The following PKHD1 variants were observed in gnomAD, a reference collection of about 807,000 sequenced individuals.
The protein encoded by PKHD1 is PKHD1 ciliary IPT domain containing fibrocystin/polyductin.
Under a neutral mutation model 412.0 loss-of-function variants are expected in PKHD1, and 291 were observed. That is an observed-to-expected ratio of 0.71 (90% CI 0.64 to 0.78). PKHD1 has a LOEUF of 0.78. PKHD1 is among the 30% of genes least tolerant of loss of function. The probability of loss-of-function intolerance (pLI) is 0.00; values close to 1 mark genes in which losing one functional copy is unlikely to be tolerated. For synonymous variants in PKHD1, 1,777 were observed against 1,821.5 expected (o/e 0.98, Z 0.62); for missense variants, 4,825 against 4,950.7 (o/e 0.97, Z 0.76).
chr6:52,005,764 A>T (rs1446697796), intron 35 of PKHD1, among the ~76,000 whole-genome samples: 1 of 151,480 alleles, frequency 6.6e-6, no homozygotes, highest in African/African-American at 2.4e-5. Context: ...ACACCACAGC[A>T]CTCCCTAGAA....
intron 40 of PKHD1, 113 bp downstream of exon 40, chr6:51,909,170 T>G: frequency 1.2e-6 from 1 of 832,206 alleles, no homozygotes; most frequent in Non-Finnish European, 2.1e-6. Flanking sequence ...ATAACAATTA[T>G]CCATCTCTAA....
intron 17 of PKHD1, 32 bp downstream of exon 17, chr6:52,056,858 C>A (rs1249736908): frequency 1.9e-6 from 3 of 1,583,392 alleles, no homozygotes; most frequent in Non-Finnish European, 2.6e-6. Context: ...TTCTCCCACT[C>A]CCCTCCCTCA....
intron 37 of PKHD1, among the ~76,000 whole-genome samples, chr6:51,917,595 C>A (rs9463739): frequency 0.035 from 5,393 of 152,232 alleles, 349 homozygotes; most frequent in African/African-American, 0.12. Flanking sequence ...GAGGTGATAA[C>A]TGAGCTGGGT....
At chr6:51,808,844 T>G (rs1249041467) in intron 52 of PKHD1, among the ~76,000 whole-genome samples, 1 of 152,148 alleles carries the variant, frequency 6.6e-6, no homozygotes, top group Non-Finnish European at 1.5e-5. Flanking sequence ...ACTTCAGTTT[T>G]TGCTTGCTAA....
chr6:51,855,776 A>G (rs1773191030), intron 49 of PKHD1, 117 bp downstream of exon 49: 1 of 841,326 alleles, frequency 1.2e-6, no homozygotes, highest in South Asian at 1.4e-5. Flanking sequence ...GCATCAGAAT[A>G]TGCCAAGACT....
intron 63 of PKHD1, among the ~76,000 whole-genome samples, chr6:51,640,104 T>C (rs1412600475): frequency 2.0e-5 from 3 of 152,232 alleles, no homozygotes; most frequent in Non-Finnish European, 2.9e-5. Flanking sequence ...AAAACCTATA[T>C]GCATCAAAAT....
chr6:51,936,964 T>C (rs1288004341), intron 36 of PKHD1, among the ~76,000 whole-genome samples: 3 of 152,230 alleles, frequency 2.0e-5, no homozygotes, highest in Non-Finnish European at 4.4e-5. Flanking sequence ...CTTCCTTTTC[T>C]GGATCTTTAC....
intron 35 of PKHD1, among the ~76,000 whole-genome samples, chr6:51,980,246 G>A (rs533731096): frequency 1.2e-4 from 19 of 152,188 alleles, no homozygotes; most frequent in African/African-American, 3.4e-4. Context: ...AAACTATTTC[G>A]TGGTTTTTTT....
At chr6:51,642,743 G>C (rs976838873) in intron 63 of PKHD1, among the ~76,000 whole-genome samples, 1 of 152,168 alleles carries the variant, frequency 6.6e-6, no homozygotes, top group African/African-American at 2.4e-5. Flanking sequence ...AGGAGGCTAA[G>C]ACAGGAGAAT....
At chr6:51,739,124 C>A (rs1295649832) in intron 60 of PKHD1, among the ~76,000 whole-genome samples, 1 of 145,140 alleles carries the variant, frequency 6.9e-6, no homozygotes, top group Non-Finnish European at 1.5e-5. Flanking sequence ...TATTTTTTTA[C>A]ATATATATAA....
At chr6:51,716,048 T>TA (rs1781217702) in intron 60 of PKHD1, among the ~76,000 whole-genome samples, 1 of 152,142 alleles carries the variant, frequency 6.6e-6, no homozygotes, top group Non-Finnish European at 1.5e-5. Context: ...AAAATCAATT[T>TA]TAAAAAAATT....
chr6:51,713,467 T>A (rs1562150356), intron 60 of PKHD1, among the ~76,000 whole-genome samples: 1 of 152,170 alleles, frequency 6.6e-6, no homozygotes, highest in Non-Finnish European at 1.5e-5. Context: ...TTCTCCAGGG[T>A]TGAGCATAGG....
At chr6:51,664,696 G>T (rs1239865314) in intron 60 of PKHD1, among the ~76,000 whole-genome samples, 1 of 152,112 alleles carries the variant, frequency 6.6e-6, no homozygotes, top group Non-Finnish European at 1.5e-5. Flanking sequence ...TCTCAACTAT[G>T]TGTTAGTTAT....
At position 51,912,289 on chromosome 6, in the gene PKHD1, A is replaced by G. The variant is rs1466718063; in HGVS notation, c.6332+77T>C. On this transcript the variant is annotated intron_variant, in intron 38 of 66. Coordinates refer to ENST00000371117, the MANE Select transcript of PKHD1 (RefSeq NM_138694.4). The stretch of plus-strand genomic sequence containing the variant: ...AGAAATATATCATTGAAAGACCCCA[A>G]TACAAATGTCCAGACCCCAATACAG... 1.4e-5 allele frequency: 13 copies of G among 903,986 alleles called. No individual in the cohort carries two copies. The Admixed American group carries it at 2.0e-4, about 14-fold the overall frequency. The allele number at this position is 903,986 out of a possible 1,614,324, so 56.0% of individuals were successfully genotyped here.
intron 63 of PKHD1, among the ~76,000 whole-genome samples, chr6:51,645,918 T>C (rs920563751): frequency 5.3e-5 from 8 of 152,164 alleles, no homozygotes; most frequent in African/African-American, 1.9e-4. Flanking sequence ...ATAGAAGTTG[T>C]GGGGAAGGGA....
intron 60 of PKHD1, among the ~76,000 whole-genome samples, chr6:51,733,477 C>A (rs1783470566): frequency 6.8e-6 from 1 of 147,460 alleles, no homozygotes; most frequent in Non-Finnish European, 1.5e-5. Flanking sequence ...GCGGAGCTTG[C>A]AGTGAGCTGA....
intron 23 of PKHD1, among the ~76,000 whole-genome samples, chr6:52,047,908 G>T (rs1258178131): frequency 6.6e-6 from 1 of 152,218 alleles, no homozygotes; most frequent in Non-Finnish European, 1.5e-5. Context: ...ATGTGGCTAA[G>T]GGTCTTGAGA....
chr6:51,855,045 G>T (rs1041406110), intron 49 of PKHD1, among the ~76,000 whole-genome samples: 3 of 152,216 alleles, frequency 2.0e-5, no homozygotes, highest in Admixed American at 2.0e-4. Flanking sequence ...CCGGGTGGTG[G>T]TGTGGGTTCG....
At chr6:51,920,312 G>C (rs1037044729) in intron 37 of PKHD1, among the ~76,000 whole-genome samples, 1 of 152,178 alleles carries the variant, frequency 6.6e-6, no homozygotes, top group Non-Finnish European at 1.5e-5. Context: ...TCAATACCTA[G>C]TTTATTCAGA....
Sources: gnomAD v4.1 joint callset for allele counts (sites outside exome capture counted in the v4.1 genomes callset) on GRCh38, gnomAD v4.1.1 for gene constraint, MANE v1.5 for transcripts, NCBI Gene and HGNC (gene_info 2026-07-23, HGNC 2026-07-21) for gene names.